The following CAMK2D variants were observed in gnomAD, a reference collection of about 807,000 sequenced individuals.
CAMK2D encodes calcium/calmodulin-dependent protein kinase type II subunit delta.
Under a neutral mutation model 84.0 loss-of-function variants are expected in CAMK2D, and 37 were observed. The observed-to-expected ratio is 0.44, with a 90% CI of 0.34 to 0.58. The LOEUF (loss-of-function observed/expected upper bound fraction) is 0.58, where lower values mean the gene tolerates loss of function less well. Ranked by LOEUF, CAMK2D falls within the 20% of genes least tolerant of loss-of-function variation. The pLI is 0.02. For synonymous variants in CAMK2D, 202 were observed against 212.5 expected (o/e 0.95, Z 0.43); for missense variants, 448 against 652.5 (o/e 0.69, Z 3.41).
At chr4:113,639,825 G>C (rs746656322) in intron 3 of CAMK2D, among the ~76,000 whole-genome samples, 1 of 151,056 alleles carries the variant, frequency 6.6e-6, no homozygotes, top group Non-Finnish European at 1.5e-5. Flanking sequence ...GCAATGTCAG[G>C]ATTTTAGAAT....
At chr4:113,715,210 T>C (rs2099509754) in intron 2 of CAMK2D, among the ~76,000 whole-genome samples, 1 of 152,118 alleles carries the variant, frequency 6.6e-6, no homozygotes, top group Non-Finnish European at 1.5e-5. Context: ...ATCTAGCAAC[T>C]TTTGTTGATA....
At chr4:113,515,688 C>T (rs1340277110) in intron 9 of CAMK2D, among the ~76,000 whole-genome samples, 2 of 152,140 alleles carry the variant, frequency 1.3e-5, no homozygotes, top group African/African-American at 4.8e-5. Flanking sequence ...AAAACAGCTT[C>T]AATTCCTGTG....
At chr4:113,506,196 T>TA (rs1417269704) in intron 13 of CAMK2D, among the ~76,000 whole-genome samples, 7 of 152,194 alleles carry the variant, frequency 4.6e-5, no homozygotes, top group Non-Finnish European at 7.4e-5. Context: ...TGGAAGTCTA[T>TA]ATCTGATAAC....
chr4:113,575,718 C>A (rs915681566), intron 4 of CAMK2D, among the ~76,000 whole-genome samples: 1 of 152,036 alleles, frequency 6.6e-6, no homozygotes, highest in Admixed American at 6.6e-5. Context: ...TGTATTTCTC[C>A]CCTTTAATTT....
At chr4:113,517,277 T>G (rs1018853903) in intron 9 of CAMK2D, among the ~76,000 whole-genome samples, 1 of 152,142 alleles carries the variant, frequency 6.6e-6, no homozygotes, top group African/African-American at 2.4e-5. Context: ...CAGAAATATT[T>G]TAATTTTTAT....
chr4:113,465,157 C>G (rs1411549082), intron 17 of CAMK2D, among the ~76,000 whole-genome samples: 1 of 152,122 alleles, frequency 6.6e-6, no homozygotes, highest in Non-Finnish European at 1.5e-5. Flanking sequence ...CTCAGCCTCC[C>G]AAGTATGTGG....
chr4:113,561,329 C>G (rs959504406), intron 4 of CAMK2D, among the ~76,000 whole-genome samples: 1 of 152,104 alleles, frequency 6.6e-6, no homozygotes, highest in African/African-American at 2.4e-5. Flanking sequence ...TAAAAATTAG[C>G]TGGACATGCC....
chr4:113,474,766 C>T (rs905509531), intron 16 of CAMK2D, among the ~76,000 whole-genome samples: 3 of 152,072 alleles, frequency 2.0e-5, no homozygotes, highest in Non-Finnish European at 2.9e-5. Context: ...CCTGTCTCAG[C>T]CTCCAGAGTA....
chr4:113,556,920 T>G (rs1335285106), intron 4 of CAMK2D, among the ~76,000 whole-genome samples: 2 of 152,172 alleles, frequency 1.3e-5, no homozygotes, highest in African/African-American at 4.8e-5. Context: ...AAATGTTTTC[T>G]GAGTGAATAA....
chr4:113,616,386 A>C (rs2099021316), intron 3 of CAMK2D, among the ~76,000 whole-genome samples: 1 of 152,076 alleles, frequency 6.6e-6, no homozygotes, highest in Admixed American at 6.5e-5. Context: ...CTCCTGATTC[A>C]AGATTAAAAG....
At chr4:113,689,069 C>G (rs1040461266) in intron 2 of CAMK2D, among the ~76,000 whole-genome samples, 1 of 151,746 alleles carries the variant, frequency 6.6e-6, no homozygotes, top group Non-Finnish European at 1.5e-5. Flanking sequence ...ATGGTGAAAC[C>G]CCATCTCTAC....
chr4:113,681,610 C>A (rs1345095757), intron 2 of CAMK2D, among the ~76,000 whole-genome samples: 1 of 152,106 alleles, frequency 6.6e-6, no homozygotes, highest in East Asian at 1.9e-4. Flanking sequence ...CATGGCCAGT[C>A]CCAAGAAAAC....
intron 6 of CAMK2D, among the ~76,000 whole-genome samples, chr4:113,542,645 G>A (rs983224872): frequency 6.6e-6 from 1 of 151,870 alleles, no homozygotes; most frequent in Non-Finnish European, 1.5e-5. Context: ...AACCAGGGAG[G>A]CGGAGCTTGC....
Position 113,537,335 on chromosome 4 carries a change from AC to A in CAMK2D, c.517+5del. 1 of 1,524,254 alleles carries A rather than the reference AC, an allele frequency of 6.6e-7. No homozygotes were observed. 94.4% of individuals were successfully genotyped at this position (1,524,254 alleles called of 1,614,324 possible). A position where few individuals can be genotyped will look rare whatever the true frequency, so the allele number is the denominator to read the frequency against. ...TAGGTAGCATGAAGGAGGGGGCCCTACTCACCAAACCACGCCTGCTGGTCCC... is the reference window on the plus strand; with the variant it reads ...TAGGTAGCATGAAGGAGGGGGCCCTATCACCAAACCACGCCTGCTGGTCCC... On this transcript the variant is annotated splice_donor_5th_base_variant and intron_variant, in intron 7 of 20. Coordinates refer to ENST00000511664, the MANE Select transcript of CAMK2D (RefSeq NM_001321571.2).
intron 2 of CAMK2D, among the ~76,000 whole-genome samples, chr4:113,686,033 A>C (rs1347960522): frequency 6.6e-6 from 1 of 152,048 alleles, no homozygotes; most frequent in Non-Finnish European, 1.5e-5. Context: ...CTTGCACTCC[A>C]GCCTGGGCAA....
intron 4 of CAMK2D, among the ~76,000 whole-genome samples, chr4:113,589,909 G>A (rs2098855917): frequency 6.6e-6 from 1 of 152,128 alleles, no homozygotes; most frequent in South Asian, 2.1e-4. Context: ...ATGTCTGGGA[G>A]ATGAGGAAGA....
At chr4:113,631,847 A>T (rs979615535) in intron 3 of CAMK2D, among the ~76,000 whole-genome samples, 8 of 152,186 alleles carry the variant, frequency 5.3e-5, no homozygotes, top group African/African-American at 1.9e-4. Flanking sequence ...CTGGATGATG[A>T]GCATGCTTTA....
intron 2 of CAMK2D, among the ~76,000 whole-genome samples, chr4:113,738,850 G>C (rs764502721): frequency 6.6e-6 from 1 of 151,968 alleles, no homozygotes; most frequent in Non-Finnish European, 1.5e-5. Flanking sequence ...TTTTATGAAT[G>C]ATGTAATATG....
At chr4:113,735,982 A>T (rs2099580266) in intron 2 of CAMK2D, among the ~76,000 whole-genome samples, 1 of 152,122 alleles carries the variant, frequency 6.6e-6, no homozygotes, top group African/African-American at 2.4e-5. Flanking sequence ...GAGACTTAAA[A>T]AGGTTCCACC....
Sources: allele counts gnomAD v4.1 joint callset (sites outside exome capture counted in the v4.1 genomes callset), GRCh38; gene constraint gnomAD v4.1.1; transcripts MANE v1.5; gene names NCBI Gene and HGNC (gene_info 2026-07-23, HGNC 2026-07-21).